The following LTBP1 variants were observed in gnomAD, a reference collection of about 807,000 sequenced individuals.
LTBP1 encodes latent-transforming growth factor beta-binding protein 1.
In LTBP1, 129 loss-of-function variants were observed where a neutral mutation model predicts 207.6. The observed-to-expected ratio is 0.62, with a 90% confidence interval of 0.54 to 0.72. The LOEUF is 0.72. Among genes scored for constraint, LTBP1 ranks in the 30% least tolerant of loss-of-function variants. The pLI is 0.00. For missense variants in LTBP1, 2,281 were observed against 2,217.2 expected (o/e 1.03, Z -0.58); for synonymous variants, 963 against 833.7 (o/e 1.16, Z -2.67).
intron 5 of LTBP1, among the ~76,000 whole-genome samples, chr2:33,172,976 A>T (rs2085617523): frequency 6.6e-6 from 1 of 152,164 alleles, no homozygotes; most frequent in African/African-American, 2.4e-5. Flanking sequence ...GACACAACAT[A>T]CCAGAATCTC....
At chr2:32,979,526 G>C (rs1005923154) in intron 2 of LTBP1, among the ~76,000 whole-genome samples, 1 of 151,910 alleles carries the variant, frequency 6.6e-6, no homozygotes, top group African/African-American at 2.4e-5. Flanking sequence ...ATTGATTTCT[G>C]GTTTTATTCT....
Position 33,347,525 on chromosome 2 carries a change from C to T in LTBP1, c.4000+15C>T. The T allele has an allele frequency of 6.2e-7, 1 of 1,613,850 alleles. No homozygotes were observed. The highest frequency in any genetic ancestry group is 8.5e-7 in the Non-Finnish European group (1 of 1,179,956). On this transcript the variant is annotated intron_variant, in intron 26 of 33. Transcript: ENST00000404816. ...GACCTCCACAGGTAAGTCCCAGTGA[C>T]ACTGTGCAAGGGAATGACAGGCTCC...
chr2:32,998,096 C>T (rs1685554091), intron 2 of LTBP1, among the ~76,000 whole-genome samples: 2 of 152,142 alleles, frequency 1.3e-5, no homozygotes, highest in South Asian at 2.1e-4. Flanking sequence ...CATACTAGTA[C>T]CTTGAAAAGC....
At chr2:33,081,188 CT>C (rs1351721213) in intron 3 of LTBP1, among the ~76,000 whole-genome samples, 1 of 152,018 alleles carries the variant, frequency 6.6e-6, no homozygotes, top group Non-Finnish European at 1.5e-5. Flanking sequence ...CAGAATGTTT[CT>C]TTCCTCTGGG....
chr2:33,093,560 T>C (rs2079222274), intron 3 of LTBP1, among the ~76,000 whole-genome samples: 1 of 152,174 alleles, frequency 6.6e-6, no homozygotes, highest in African/African-American at 2.4e-5. Flanking sequence ...GTGTAAATGT[T>C]TCCAAATTGT....
intron 3 of LTBP1, among the ~76,000 whole-genome samples, chr2:33,092,356 C>T (rs568674296): frequency 6.6e-6 from 1 of 152,156 alleles, no homozygotes; most frequent in Non-Finnish European, 1.5e-5. Context: ...TGATAAAGTT[C>T]TTTTTAAAAT....
chr2:33,087,235 T>TA, intron 3 of LTBP1, among the ~76,000 whole-genome samples: 1 of 151,872 alleles, frequency 6.6e-6, no homozygotes, highest in South Asian at 2.1e-4. Flanking sequence ...CTGGCTACTT[T>TA]AAAAAAATGT....
chr2:33,281,004 A>C (rs1189793533), intron 19 of LTBP1, among the ~76,000 whole-genome samples: 1 of 152,120 alleles, frequency 6.6e-6, no homozygotes, highest in Non-Finnish European at 1.5e-5. Context: ...CCAGGAGTTC[A>C]AGGTTTCAGT....
chr2:33,115,784 A>G (rs1470898725), intron 4 of LTBP1, among the ~76,000 whole-genome samples: 1 of 152,210 alleles, frequency 6.6e-6, no homozygotes, highest in Non-Finnish European at 1.5e-5. Flanking sequence ...AGACCATCTT[A>G]TAAAAATGGT....
chr2:33,319,533 C>CT (rs2094322957), intron 24 of LTBP1, among the ~76,000 whole-genome samples: 1 of 152,140 alleles, frequency 6.6e-6, no homozygotes. Flanking sequence ...GTCACCACGT[C>CT]TGTCCCCATG....
intron 2 of LTBP1, among the ~76,000 whole-genome samples, chr2:32,969,586 G>T (rs1281370825): frequency 6.6e-6 from 1 of 152,086 alleles, no homozygotes; most frequent in Non-Finnish European, 1.5e-5. Flanking sequence ...CATCCATGTT[G>T]TTGCAAAGGA....
rs751151282 is a variant in LTBP1 at position 33,252,729 on chromosome 2, T to C, written c.2052T>C (p.Ser684=). 2 of 1,613,964 alleles carry C rather than the reference T, an allele frequency of 1.2e-6. No individual in the cohort carries two copies. The highest frequency in any genetic ancestry group is 1.7e-6 in the Non-Finnish European group (2 of 1,179,862). The change falls in exon 11 of 34, where the codon AGT becomes AGC. Residue 684 remains serine, a synonymous_variant. Transcript: ENST00000404816. ...EEKGPCYRLV[S]SGRQCMHPLS... is the part of the protein sequence containing the mutation. ...AAGGGCCCTGTTACCGACTTGTCAGTTCTGGAAGACAGTGTATGCACCCTC... is the reference window on the plus strand; with the variant it reads ...AAGGGCCCTGTTACCGACTTGTCAGCTCTGGAAGACAGTGTATGCACCCTC...
intron 2 of LTBP1, among the ~76,000 whole-genome samples, chr2:32,974,344 A>G (rs1450124079): frequency 6.6e-6 from 1 of 152,128 alleles, no homozygotes; most frequent in Non-Finnish European, 1.5e-5. Context: ...TTCTCTGATG[A>G]TCAGTGATGT....
intron 4 of LTBP1, among the ~76,000 whole-genome samples, chr2:33,119,724 A>AT (rs1314156169): frequency 6.6e-6 from 1 of 151,856 alleles, no homozygotes; most frequent in Non-Finnish European, 1.5e-5. Context: ...CGCCTGGCTA[A>AT]TTTTTTTGTA....
chr2:33,276,268 G>A (rs2093424911), intron 18 of LTBP1, among the ~76,000 whole-genome samples: 1 of 152,206 alleles, frequency 6.6e-6, no homozygotes, highest in Admixed American at 6.5e-5. Flanking sequence ...TGTAACCAGT[G>A]TTGATTTTTT....
chr2:32,991,898 A>C (rs770127670), intron 2 of LTBP1, among the ~76,000 whole-genome samples: 1 of 152,134 alleles, frequency 6.6e-6, no homozygotes, highest in Non-Finnish European at 1.5e-5. Flanking sequence ...TTAAAAATGA[A>C]ATTGGTTTTG....
intron 4 of LTBP1, among the ~76,000 whole-genome samples, chr2:33,127,457 C>T (rs898268833): frequency 2.0e-5 from 3 of 152,076 alleles, no homozygotes; most frequent in Admixed American, 6.5e-5. Context: ...GTTGCTTTCC[C>T]TTCCCATTGT....
intron 9 of LTBP1, among the ~76,000 whole-genome samples, chr2:33,227,806 T>G (rs2091530828): frequency 7.5e-6 from 1 of 133,700 alleles, no homozygotes; most frequent in African/African-American, 2.8e-5. Context: ...GCTCTTTTTT[T>G]TTTTTTTTTT....
chr2:33,378,328 C>A (rs576829127), intron 31 of LTBP1, among the ~76,000 whole-genome samples: 1 of 151,708 alleles, frequency 6.6e-6, no homozygotes. Context: ...TGGGTTCAAG[C>A]GATTCACCTG....
Sources: allele counts gnomAD v4.1 joint callset (sites outside exome capture counted in the v4.1 genomes callset), GRCh38; gene constraint gnomAD v4.1.1; transcripts MANE v1.5; gene names NCBI Gene and HGNC (gene_info 2026-07-23, HGNC 2026-07-21).